The following MYO15B variants were observed in gnomAD, a reference collection of about 807,000 sequenced individuals.
MYO15B encodes myosin XVB.
In MYO15B, 207 loss-of-function variants were observed where a neutral mutation model predicts 119.3. That is an observed-to-expected ratio of 1.73 (90% CI 1.55 to 1.95). MYO15B has a LOEUF of 1.95. Ranked by LOEUF, MYO15B falls within the 30% of genes most tolerant of loss-of-function variation. MYO15B has a pLI of 0.00. For synonymous variants in MYO15B, 966 were observed against 498.9 expected (o/e 1.94, Z -12.48); for missense variants, 2,264 against 1,203.1 (o/e 1.88, Z -13.04).
At chr17:75,621,001 C>T (rs1476893025) in intron 49 of MYO15B, 30 bp from the exon 50 acceptor site, 4 of 702,806 alleles carry the variant, frequency 5.7e-6, no homozygotes, top group Non-Finnish European at 1.0e-5. Flanking sequence ...ACTGGACACT[C>T]AGGTGGCACC....
At chr17:75,616,385 G>A in exon 38 of MYO15B, 3 of 579,110 alleles carry the variant, frequency 5.2e-6, no homozygotes, top group Admixed American at 3.0e-5. Context: ...AAGCGCAGGA[G>A]GAGGAGGAGG....
rs913834279 is a variant in MYO15B at position 75,622,141 on chromosome 17, A to G, written c.8082+61A>G. 23 of 694,824 alleles carry G rather than the reference A, an allele frequency of 3.3e-5. No homozygotes were observed. The African/African-American group carries it at 3.5e-4, about 11-fold the overall frequency. 43.0% of individuals were successfully genotyped at this position (694,824 alleles called of 1,614,324 possible). ...CTGTCCTCCTGTCTGGGCCTGAAGG[A>G]GATCCCCTTCTCTTGGTCACTGTCC... On this transcript the variant is annotated intron_variant, in intron 53 of 63. Coordinates refer to ENST00000645453, the Ensembl canonical transcript of MYO15B.
intron 21 of MYO15B, among the ~76,000 whole-genome samples, chr17:75,607,406 GT>G (rs2057724331): frequency 1.3e-5 from 2 of 149,212 alleles, no homozygotes; most frequent in African/African-American, 5.0e-5. Context: ...AATTCATTCA[GT>G]TCCAGGCTTG....
rs2058963484 is a variant in MYO15B, at chr17:75,625,201, C to CA, written c.8768dup (p.His2924AlafsTer57). 1 of 702,428 alleles carries CA rather than the reference C, an allele frequency of 1.4e-6. No individual in the cohort carries two copies. Among genetic ancestry groups the CA allele is most frequent in the Non-Finnish European group, 2.6e-6 (1 of 384,732 alleles). The allele number at this position is 702,428 out of a possible 1,614,324, so 43.5% of individuals were successfully genotyped here. A position where few individuals can be genotyped will look rare whatever the true frequency, so the allele number is the denominator to read the frequency against. On this transcript the variant is annotated frameshift_variant, in exon 60 of 64. Coordinates refer to ENST00000645453, the Ensembl canonical transcript of MYO15B. LOFTEE classifies it high-confidence loss of function. ...GCAGCTCGCCAGGCTGGCCGCCCTG[C>CA]AGCACCTCAGCAAGGCCAACAGGAA...
rs1011117849 is a variant in MYO15B at position 75,623,962 on chromosome 17, C to T, written c.8170C>T (p.Arg2724Ter). 20 of 702,894 alleles carry T rather than the reference C, an allele frequency of 2.8e-5. No homozygotes were observed. Among genetic ancestry groups the T allele is most frequent in the Admixed American group, 1.6e-4 (8 of 49,996 alleles). The allele number at this position is 702,894 out of a possible 1,614,324, so 43.5% of individuals were successfully genotyped here. ...TCTGCCCTGCAGGGAACACTGCACT[C>T]GAGGCTGGAGCTTCCTCAGCCTTCT... Residue 2724 changes from arginine (R) to a stop codon, truncating the protein, a stop_gained, in exon 55 of 64, where the codon CGA becomes TGA. Coordinates refer to ENST00000645453, the Ensembl canonical transcript of MYO15B. LOFTEE classifies it high-confidence loss of function.
exon 14 of MYO15B, chr17:75,596,785 G>A (rs2056890891): frequency 1.4e-6 from 1 of 700,686 alleles, no homozygotes; most frequent in Non-Finnish European, 2.6e-6. Context: ...GTCGGCGGGA[G>A]TTGCTGTCCT....
In MYO15B at chr17:75,592,426, A is replaced by G. The variant is rs994445133; in HGVS notation, c.2716-2A>G. 4 of 629,884 alleles carry G rather than the reference A, an allele frequency of 6.4e-6. No individual in the cohort carries two copies. The highest frequency in any genetic ancestry group is 1.8e-5 in the South Asian group (1 of 55,492). The allele number at this position is 629,884 out of a possible 1,614,324, so 39.0% of individuals were successfully genotyped here. ...AGCCCCTAAGCCAGTCCTGTCCCCA[A>G]GGCCCAGGCTGAGCGGAGCTTCCAT... On this transcript the variant is annotated splice_acceptor_variant, in intron 7 of 63. Coordinates refer to ENST00000645453, the Ensembl canonical transcript of MYO15B. LOFTEE classifies it high-confidence loss of function.
chr17:75,593,776 A>G (rs112322366), intron 9 of MYO15B, among the ~76,000 whole-genome samples: 8,225 of 151,796 alleles, frequency 0.054, 720 homozygotes, highest in African/African-American at 0.18. Context: ...AAAATTAGCC[A>G]GGTGTGGTGG....
chr17:75,602,372 G>A (rs898301942), intron 15 of MYO15B, 145 bp from the exon 16 acceptor site: 1 of 700,536 alleles, frequency 1.4e-6, no homozygotes, highest in Non-Finnish European at 2.6e-6. Context: ...CCCAAGGCTA[G>A]GTAAAGGGCT....
chr17:75,612,417 A>C (rs2147981442), intron 25 of MYO15B, among the ~76,000 whole-genome samples: 1 of 152,302 alleles, frequency 6.6e-6, no homozygotes, highest in South Asian at 2.1e-4. Flanking sequence ...CATGCTTGTA[A>C]TCCCAGCACT....
At chr17:75,595,339 C>T (rs757463560) in intron 12 of MYO15B, among the ~76,000 whole-genome samples, 9 of 152,146 alleles carry the variant, frequency 5.9e-5, no homozygotes, top group Non-Finnish European at 1.3e-4. Context: ...CAGCCTGGGC[C>T]GGGAGTGCTC....
intron 25 of MYO15B, among the ~76,000 whole-genome samples, chr17:75,612,537 C>T (rs776805527): frequency 6.6e-6 from 1 of 151,978 alleles, no homozygotes; most frequent in Non-Finnish European, 1.5e-5. Flanking sequence ...GCCAGACATG[C>T]GCCTGTAGTC....
chr17:75,619,227 C>T lies in MYO15B; in HGVS notation c.7063+9C>T, dbSNP rs1406538313. The T allele has an allele frequency of 1.0e-5, 7 of 702,686 alleles. No homozygotes were observed. The South Asian group carries it at 1.0e-4, about 10-fold the overall frequency. 43.5% of individuals were successfully genotyped at this position (702,686 alleles called of 1,614,324 possible). On this transcript the variant is annotated intron_variant, in intron 44 of 63. Transcript: ENST00000645453. ...AATGAAAGACCTGCTGGGTATGGGT[C>T]CAGGGACCATGGAGTTGGGAGCTTG...
At chr17:75,602,198 A>C (rs1233212398) in intron 15 of MYO15B, 2 of 430,596 alleles carry the variant, frequency 4.6e-6, no homozygotes, top group African/African-American at 4.0e-5. Context: ...AGTTCAAGAA[A>C]GCTAGGAAAA....
intron 50 of MYO15B, 67 bp downstream of exon 50, chr17:75,621,243 C>G (rs2058689781): frequency 1.5e-6 from 1 of 659,724 alleles, no homozygotes; most frequent in African/African-American, 1.8e-5. Flanking sequence ...GCACCCTGCT[C>G]AGAGCCACTG....
At chr17:75,617,258 A>G (rs1427596381) in exon 41 of MYO15B, 10 of 688,178 alleles carry the variant, frequency 1.5e-5, no homozygotes, top group Non-Finnish European at 5.3e-6. Flanking sequence ...CAGCGCCACC[A>G]CTGCCTCTGC....
Position 75,606,699 on chromosome 17 carries a change from C to G in MYO15B, c.4292+678C>G, listed in dbSNP as rs188135569. Among the ~76,000 whole-genome samples, 522 of 152,120 alleles carry G rather than the reference C, an allele frequency of 3.4e-3. 5 individuals are homozygous for G. Among genetic ancestry groups the G allele is most frequent in the African/African-American group, 0.012 (489 of 41,486 alleles). Reference sequence around the variant, plus strand: ...TGTTGGTCAGGCTGGTCTCGAACTCCCGACCTCAGGTGATCCGCCCGCCTC... The same window carrying G: ...TGTTGGTCAGGCTGGTCTCGAACTCGCGACCTCAGGTGATCCGCCCGCCTC... On this transcript the variant is annotated intron_variant, in intron 21 of 63. Coordinates refer to ENST00000645453, the Ensembl canonical transcript of MYO15B.
rs1568134606 is a variant in MYO15B, at chr17:75,598,540, A to AG, written c.3525+1641_3525+1642insG. Among the ~76,000 whole-genome samples the AG allele has an allele frequency of 1.1e-4, 16 of 142,924 alleles. 1 individual carries two copies. The highest frequency in any genetic ancestry group is 2.1e-4 in the Admixed American group (3 of 14,166). 93.8% of individuals were successfully genotyped at this position (142,924 alleles called of 152,430 possible). A position where few individuals can be genotyped will look rare whatever the true frequency, so the allele number is the denominator to read the frequency against. Reference sequence around the variant, plus strand: ...GAGACTCCATCTCAAAAAAAAAAAAAAAAAAAGAAAATGAAAGGTGAAAAA... The same window carrying AG: ...GAGACTCCATCTCAAAAAAAAAAAAAGAAAAAAGAAAATGAAAGGTGAAAAA... On this transcript the variant is annotated intron_variant, in intron 14 of 63. Coordinates refer to ENST00000645453, the Ensembl canonical transcript of MYO15B.
intron 14 of MYO15B, among the ~76,000 whole-genome samples, chr17:75,597,881 ACTCCAGC>A (rs1292070776): frequency 2.0e-5 from 3 of 152,170 alleles, no homozygotes; most frequent in Non-Finnish European, 4.4e-5. Context: ...ATGCCACTGC[ACTCCAGC>A]CTGGGTGACA....
Sources: allele counts gnomAD v4.1 joint callset (sites outside exome capture counted in the v4.1 genomes callset), GRCh38; gene constraint gnomAD v4.1.1; transcripts MANE v1.5; gene names NCBI Gene and HGNC (gene_info 2026-07-23, HGNC 2026-07-21).